Variants in C12orf42 observed in about 807,000 individuals in gnomAD.
The protein encoded by C12orf42 is uncharacterized protein C12orf42.
Under a neutral mutation model 21.6 loss-of-function variants are expected in C12orf42, and 25 were observed. The observed-to-expected ratio is 1.16, with a 90% CI of 0.84 to 1.62. C12orf42 has a LOEUF of 1.62. Among genes scored for constraint, C12orf42 ranks in the 40% most tolerant of loss-of-function variants. C12orf42 has a pLI of 0.00. For synonymous variants in C12orf42, 174 were observed against 175.0 expected (o/e 0.99, Z 0.05); for missense variants, 483 against 459.3 (o/e 1.05, Z -0.47).
chr12:103,352,444 T>C (rs185035729), intron 4 of C12orf42, among the ~76,000 whole-genome samples: 7 of 152,250 alleles, frequency 4.6e-5, no homozygotes, highest in Admixed American at 1.3e-4. Flanking sequence ...ACTTTGCTTT[T>C]CTCCCATTTT....
At chr12:103,152,267 T>C in the C12orf42 span, among the ~76,000 whole-genome samples, 6 of 152,176 alleles carry the variant, frequency 3.9e-5, no homozygotes, top group Admixed American at 6.5e-5. Flanking sequence ...TGCCCAGATG[T>C]ATGGCATAGA....
chr12:103,462,096 G>GTTTTTTTTATTTTTTTT (rs1952753198), intron 2 of C12orf42, among the ~76,000 whole-genome samples: 1 of 27,724 alleles, frequency 3.6e-5, no homozygotes, highest in Non-Finnish European at 6.6e-5. Context: ...TTTTTGCTTG[G>GTTTTTTTTATTTTTTTT]TTTTTTTTTT....
At chr12:103,293,873 G>T (rs1016915732) in intron 4 of C12orf42, among the ~76,000 whole-genome samples, 3 of 152,062 alleles carry the variant, frequency 2.0e-5, no homozygotes, top group Non-Finnish European at 4.4e-5. Context: ...GAGATTTTGG[G>T]TCTCACGACT....
chr12:103,302,680 G>GAA (rs77313816), intron 5 of C12orf42, 121 bp from the exon 6 acceptor site: 8,011 of 463,678 alleles, frequency 0.017, 220 homozygotes, highest in African/African-American at 0.1. Context: ...AGAGGGGAAA[G>GAA]AAAAAAAAAA....
At chr12:103,435,527 T>A (rs1950626316) in intron 2 of C12orf42, among the ~76,000 whole-genome samples, 1 of 151,994 alleles carries the variant, frequency 6.6e-6, no homozygotes, top group Non-Finnish European at 1.5e-5. Flanking sequence ...AATGTATAAC[T>A]AGAATAACCA....
the C12orf42 span, among the ~76,000 whole-genome samples, chr12:103,540,596 T>C: frequency 6.6e-6 from 1 of 152,236 alleles, no homozygotes; most frequent in Non-Finnish European, 1.5e-5. Context: ...TCTAAAATTA[T>C]TAATATTGCA....
At chr12:103,477,405 G>A (rs908692970) in intron 2 of C12orf42, among the ~76,000 whole-genome samples, 1 of 151,938 alleles carries the variant, frequency 6.6e-6, no homozygotes, top group Non-Finnish European at 1.5e-5. Flanking sequence ...CAGGGGAAGG[G>A]GACAGGAATT....
the C12orf42 span, among the ~76,000 whole-genome samples, chr12:103,562,815 C>T: frequency 2.0e-5 from 3 of 152,188 alleles, no homozygotes; most frequent in Non-Finnish European, 4.4e-5. Context: ...CCCTTCCACA[C>T]CTCACCTCTC....
chr12:103,133,012 G>A, the C12orf42 span, among the ~76,000 whole-genome samples: 1 of 152,172 alleles, frequency 6.6e-6, no homozygotes, highest in Non-Finnish European at 1.5e-5. Flanking sequence ...CCTCAGGACA[G>A]GTCTGACTGG....
At chr12:103,309,735 A>C (rs2038771296) in intron 4 of C12orf42, among the ~76,000 whole-genome samples, 1 of 152,248 alleles carries the variant, frequency 6.6e-6, no homozygotes, top group South Asian at 2.1e-4. Context: ...ACCAGGTAGA[A>C]GCAACCGTGC....
the C12orf42 span, among the ~76,000 whole-genome samples, chr12:103,157,978 T>C: frequency 6.6e-6 from 1 of 152,226 alleles, no homozygotes; most frequent in Non-Finnish European, 1.5e-5. Context: ...GATTCATTAC[T>C]CTCTCACAAA....
chr12:103,129,004 C>T, the C12orf42 span, among the ~76,000 whole-genome samples: 2 of 152,138 alleles, frequency 1.3e-5, no homozygotes, highest in Admixed American at 6.5e-5. Flanking sequence ...AGGCAGCACC[C>T]AGCCATATCA....
chr12:103,451,372 G>GCACCACCA (rs1951930392), intron 2 of C12orf42, among the ~76,000 whole-genome samples: 1 of 4,900 alleles, frequency 2.0e-4, no homozygotes, highest in Non-Finnish European at 5.5e-4. Context: ...GACCACAAGT[G>GCACCACCA]TGCCCACCTA....
At chr12:103,054,888 A>T in the C12orf42 span, among the ~76,000 whole-genome samples, 1 of 151,890 alleles carries the variant, frequency 6.6e-6, no homozygotes, top group Non-Finnish European at 1.5e-5. Context: ...TTGATTTTCA[A>T]ATATTGAACC....
chr12:103,097,752 G>C, the C12orf42 span, among the ~76,000 whole-genome samples: 1 of 152,214 alleles, frequency 6.6e-6, no homozygotes, highest in South Asian at 2.1e-4. Context: ...TTGTGACAGA[G>C]GCACCCAAAT....
chr12:103,305,476 C>A (rs1164524105), intron 5 of C12orf42, among the ~76,000 whole-genome samples: 1 of 152,178 alleles, frequency 6.6e-6, no homozygotes, highest in Non-Finnish European at 1.5e-5. Context: ...GGCTACAGAT[C>A]TGAGATGGGA....
intron 3 of C12orf42, among the ~76,000 whole-genome samples, chr12:103,388,699 C>T (rs944593711): frequency 2.6e-5 from 4 of 152,178 alleles, no homozygotes; most frequent in Admixed American, 2.6e-4. Flanking sequence ...CCCCAAACTC[C>T]AAATGGAAAT....
intron 2 of C12orf42, among the ~76,000 whole-genome samples, chr12:103,457,494 G>C (rs1045407991): frequency 1.1e-4 from 17 of 152,150 alleles, no homozygotes; most frequent in Non-Finnish European, 2.2e-4. Flanking sequence ...GTACATCCCT[G>C]TACACTGTAT....
At chr12:103,316,015 G>GTA (rs1249524895) in intron 4 of C12orf42, among the ~76,000 whole-genome samples, 3 of 149,082 alleles carry the variant, frequency 2.0e-5, no homozygotes, top group African/African-American at 7.4e-5. Context: ...ATGCTTTTAT[G>GTA]TATATATACA....
Sources: allele counts gnomAD v4.1 joint callset (sites outside exome capture counted in the v4.1 genomes callset), GRCh38; gene constraint gnomAD v4.1.1; transcripts MANE v1.5; gene names NCBI Gene and HGNC (gene_info 2026-07-23, HGNC 2026-07-21).